The following CNTNAP2 variants were observed in gnomAD, a reference collection of about 807,000 sequenced individuals.
CNTNAP2 encodes contactin-associated protein-like 2.
In CNTNAP2, 98 loss-of-function variants were observed where a neutral mutation model predicts 155.2. The ratio of observed to expected loss-of-function variants is 0.63; its 90% CI spans 0.54 to 0.75. The LOEUF (loss-of-function observed/expected upper bound fraction) is 0.75, where lower values mean the gene tolerates loss of function less well. Ranked by LOEUF, CNTNAP2 falls within the 30% of genes least tolerant of loss-of-function variation. The pLI is 0.00. For synonymous variants in CNTNAP2, 651 were observed against 631.2 expected, an observed-to-expected ratio of 1.03 and a Z score of -0.47; for missense variants, 1,727 against 1,688.1, an observed-to-expected ratio of 1.02 and a Z score of -0.40.
chr7:146,915,562 CGTTT>C (rs1020551586), intron 3 of CNTNAP2, among the ~76,000 whole-genome samples: 61 of 151,202 alleles, frequency 4.0e-4, no homozygotes, highest in African/African-American at 1.1e-3. Flanking sequence ...TTTTTTTGTT[CGTTT>C]GTTTGTTTGT....
In CNTNAP2 at chr7:147,639,009, A is replaced by T. The variant is rs75608592; in HGVS notation, c.1898-97A>T. ...TAACACTGTTCTACACCAGCTCAGT[A>T]AAAAGACCATTTAAGTGTGGCTCAA... On this transcript the variant is annotated intron_variant, in intron 12 of 23. Transcript: ENST00000361727. 12,128 of 1,262,568 alleles carry T rather than the reference A, an allele frequency of 9.6e-3. 1,194 individuals carry two copies. The Admixed American group carries it at 0.18, about 19-fold the overall frequency. 78.2% of individuals were successfully genotyped at this position (1,262,568 alleles called of 1,614,324 possible).
At chr7:148,337,841 C>G (rs918895191) in intron 21 of CNTNAP2, among the ~76,000 whole-genome samples, 1 of 152,350 alleles carries the variant, frequency 6.6e-6, no homozygotes, top group South Asian at 2.1e-4. Flanking sequence ...ATCACATTCC[C>G]TATTGTACCT....
chr7:148,147,475 C>T lies in CNTNAP2; in HGVS notation c.2555-16C>T. ...GAGAAAAATACTCATGTTTTTCATGCTTTCTGCTCCTCCAGCTGCCACAGA... is the reference window on the plus strand; with the variant it reads ...GAGAAAAATACTCATGTTTTTCATGTTTTCTGCTCCTCCAGCTGCCACAGA... On this transcript the variant is annotated splice_polypyrimidine_tract_variant and intron_variant, in intron 16 of 23. Transcript: ENST00000361727. The T allele has an allele frequency of 6.2e-7, 1 of 1,611,878 alleles. No individual in the cohort carries two copies. The highest frequency in any genetic ancestry group is 8.5e-7 in the Non-Finnish European group (1 of 1,178,000).
chr7:147,297,721 T>C (rs62485027), intron 8 of CNTNAP2, among the ~76,000 whole-genome samples: 5,218 of 152,276 alleles, frequency 0.034, 122 homozygotes, highest in Non-Finnish European at 0.052. Context: ...GTTATACATT[T>C]ATAAAGATAA....
intron 8 of CNTNAP2, among the ~76,000 whole-genome samples, chr7:147,162,497 A>G (rs1802045625): frequency 6.6e-6 from 1 of 152,158 alleles, no homozygotes; most frequent in Non-Finnish European, 1.5e-5. Flanking sequence ...ACAGGTATTA[A>G]CTTAGAAATT....
At chr7:146,787,851 G>C (rs1259064155) in intron 2 of CNTNAP2, among the ~76,000 whole-genome samples, 1 of 152,178 alleles carries the variant, frequency 6.6e-6, no homozygotes, top group Non-Finnish European at 1.5e-5. Flanking sequence ...AGATTAGCTA[G>C]ACATAGAGCA....
chr7:147,108,918 G>A (rs1473073374), intron 5 of CNTNAP2, among the ~76,000 whole-genome samples: 1 of 152,158 alleles, frequency 6.6e-6, no homozygotes, highest in Admixed American at 6.5e-5. Context: ...AAGACCAAAA[G>A]CACGCTCAAG....
chr7:146,128,338 A>C (rs760861817), intron 1 of CNTNAP2, among the ~76,000 whole-genome samples: 10 of 152,204 alleles, frequency 6.6e-5, no homozygotes, highest in Non-Finnish European at 1.3e-4. Flanking sequence ...AGGATGCTCA[A>C]GCATTTTAAA....
At position 147,198,232 on chromosome 7, in the gene CNTNAP2, C is replaced by CTTTTTTTTTTTTTTTTTT. The variant is rs71525992; in HGVS notation, c.1348+65727_1348+65744dup. ...GCCAGCATAGTTGGTTTCCAATATC[C>CTTTTTTTTTTTTTTTTTT]TTTTTTTTTTTTTTTTTTTTTGAGA... On this transcript the variant is annotated intron_variant, in intron 8 of 23. Transcript: ENST00000361727. Among the ~76,000 whole-genome samples the CTTTTTTTTTTTTTTTTTT allele has an allele frequency of 1.8e-5, 2 of 113,094 alleles. 1 individual carries two copies. The allele number at this position is 113,094 out of a possible 152,430, so 74.2% of individuals were successfully genotyped here.
intron 2 of CNTNAP2, among the ~76,000 whole-genome samples, chr7:146,791,851 A>G (rs919252734): frequency 1.3e-5 from 2 of 152,232 alleles, no homozygotes; most frequent in Non-Finnish European, 2.9e-5. Flanking sequence ...CCTGAGATCT[A>G]AAACCCTGTG....
intron 8 of CNTNAP2, among the ~76,000 whole-genome samples, chr7:147,275,155 T>A (rs1804867418): frequency 6.6e-6 from 1 of 152,114 alleles, no homozygotes; most frequent in Non-Finnish European, 1.5e-5. Flanking sequence ...CTTTTTTGGT[T>A]CCATATGAAA....
At chr7:146,302,708 G>C (rs1800632238) in intron 1 of CNTNAP2, among the ~76,000 whole-genome samples, 4 of 152,006 alleles carry the variant, frequency 2.6e-5, no homozygotes. Flanking sequence ...ATAAAATGTG[G>C]GTCAAACCAT....
intron 3 of CNTNAP2, among the ~76,000 whole-genome samples, chr7:146,847,031 A>G (rs1464659293): frequency 6.6e-6 from 1 of 152,056 alleles, no homozygotes; most frequent in Non-Finnish European, 1.5e-5. Context: ...ACTCAATGCT[A>G]ATTTTTTTTA....
intron 1 of CNTNAP2, among the ~76,000 whole-genome samples, chr7:146,185,859 C>T (rs1054595521): frequency 2.0e-4 from 30 of 147,652 alleles, no homozygotes; most frequent in Non-Finnish European, 4.3e-4. Context: ...GGTGTAGGTA[C>T]TTGGAATTAA....
At chr7:146,159,808 A>G (rs971689828) in intron 1 of CNTNAP2, among the ~76,000 whole-genome samples, 9 of 152,304 alleles carry the variant, frequency 5.9e-5, no homozygotes, top group African/African-American at 1.7e-4. Flanking sequence ...TTAACACCCC[A>G]CTGTCAACAT....
rs869125044 is a variant in CNTNAP2, at chr7:147,062,127, C to CAAA, written c.550+18114_550+18116dup. ...TGGGCGACAGAGCGAGACTCCGTCT[C>CAAA]AAAAAAAAAAAAAAAAAAAAAAAAA... On this transcript the variant is annotated intron_variant, in intron 4 of 23. Transcript: ENST00000361727. 9.2e-3 allele frequency among the ~76,000 whole-genome samples: 415 copies of CAAA among 44,926 alleles called. 86 individuals carry two copies. The highest frequency in any genetic ancestry group is 0.021 in the Admixed American group (53 of 2,498). 29.5% of individuals were successfully genotyped at this position (44,926 alleles called of 152,430 possible). A position where few individuals can be genotyped will look rare whatever the true frequency, so the allele number is the denominator to read the frequency against.
chr7:146,461,417 T>A lies in CNTNAP2; in HGVS notation c.98-312854T>A, dbSNP rs1009214615. On this transcript the variant is annotated intron_variant, in intron 1 of 23. Coordinates refer to ENST00000361727, the MANE Select transcript of CNTNAP2 (RefSeq NM_014141.6). Reference sequence around the variant, plus strand: ...AAGACTCCGTCTCAAAAAAAAAAAATATAATAATAATAATAATAATACCTT... The same window carrying A: ...AAGACTCCGTCTCAAAAAAAAAAAAAATAATAATAATAATAATAATACCTT... Among the ~76,000 whole-genome samples, 653 of 145,184 alleles carry A rather than the reference T, an allele frequency of 4.5e-3. 8 individuals are homozygous for A. Among genetic ancestry groups the A allele is most frequent in the East Asian group, 0.04 (196 of 4,934 alleles).
intron 11 of CNTNAP2, among the ~76,000 whole-genome samples, chr7:147,549,331 G>T (rs1371750015): frequency 1.3e-5 from 2 of 152,084 alleles, no homozygotes; most frequent in Non-Finnish European, 2.9e-5. Flanking sequence ...CTTGTAAGTT[G>T]TATTCCTAGG....
chr7:147,629,672 A>G (rs1795049278), intron 12 of CNTNAP2, among the ~76,000 whole-genome samples: 1 of 152,182 alleles, frequency 6.6e-6, no homozygotes, highest in African/African-American at 2.4e-5. Flanking sequence ...TAACTCCAAA[A>G]GGAACCCTCA....
Sources: gnomAD v4.1 joint callset for allele counts (sites outside exome capture counted in the v4.1 genomes callset) on GRCh38, gnomAD v4.1.1 for gene constraint, MANE v1.5 for transcripts, NCBI Gene and HGNC (gene_info 2026-07-23, HGNC 2026-07-21) for gene names.